Variants in SPATS2 observed in about 807,000 individuals in gnomAD.
The protein encoded by SPATS2 is spermatogenesis-associated serine-rich protein 2.
SPATS2 carries 38 observed loss-of-function variants against 63.7 expected under a neutral mutation model. The observed-to-expected ratio is 0.60, with a 90% CI of 0.46 to 0.78. The LOEUF is 0.78. Among genes scored for constraint, SPATS2 ranks in the 30% least tolerant of loss-of-function variants. The probability of loss-of-function intolerance (pLI) is 0.00; values close to 1 mark genes in which losing one functional copy is unlikely to be tolerated. For missense variants in SPATS2, 588 were observed against 666.2 expected (o/e 0.88, Z 1.29); for synonymous variants, 207 against 232.9 (o/e 0.89, Z 1.01).
chr12:49,424,877 G>A (rs1193746184), intron 2 of SPATS2, among the ~76,000 whole-genome samples: 2 of 151,994 alleles, frequency 1.3e-5, no homozygotes, highest in African/African-American at 4.8e-5. Flanking sequence ...ATGGGGTTTC[G>A]CCGTGTTGGC....
chr12:49,501,300 C>T (rs542871440), intron 9 of SPATS2, among the ~76,000 whole-genome samples: 8 of 152,218 alleles, frequency 5.3e-5, no homozygotes, highest in African/African-American at 1.7e-4. Context: ...TTGGCAAGGA[C>T]CTTGCTGTGT....
At position 49,460,848 on chromosome 12, in the gene SPATS2, AT is replaced by A; in HGVS notation, c.-163del. The stretch of plus-strand genomic sequence containing the variant: ...AGTTGATACAAGAAAAGGAAAGGAG[AT>A]TAACAGCTAGTGAGCAGAATTTCGA... On this transcript the variant is annotated 5_prime_UTR_variant, in exon 3 of 14. It introduces an in-frame stop codon into an upstream open reading frame of the 5' UTR. Transcript: ENST00000552918. The A allele has an allele frequency of 1.5e-6, 1 of 667,908 alleles. No homozygotes were observed. Among genetic ancestry groups the A allele is most frequent in the Non-Finnish European group, 2.7e-6 (1 of 371,256 alleles). The allele number at this position is 667,908 out of a possible 1,614,324, so 41.4% of individuals were successfully genotyped here. A position where few individuals can be genotyped will look rare whatever the true frequency, so the allele number is the denominator to read the frequency against.
chr12:49,412,702 C>T (rs894740254), intron 2 of SPATS2, among the ~76,000 whole-genome samples: 1 of 149,368 alleles, frequency 6.7e-6, no homozygotes, highest in Non-Finnish European at 1.5e-5. Flanking sequence ...GCCATGATCA[C>T]AACACACTGT....
chr12:49,496,631 A>T lies in SPATS2; in HGVS notation c.527-202A>T, dbSNP rs566869182. On this transcript the variant is annotated intron_variant, in intron 7 of 13. Transcript: ENST00000552918. ...GACTCTTCTCTTCATTCCGGACGCCACTTAAGACTAAGCCCGAAGCTGCCG... is the reference window on the plus strand; with the variant it reads ...GACTCTTCTCTTCATTCCGGACGCCTCTTAAGACTAAGCCCGAAGCTGCCG... Among the ~76,000 whole-genome samples, 16 of 152,308 alleles carry T rather than the reference A, an allele frequency of 1.1e-4. No homozygotes were observed. The East Asian group carries it at 2.7e-3, about 26-fold the overall frequency.
rs187152161 is a variant in SPATS2 at position 49,426,712 on chromosome 12, T to G, written c.-243-34058T>G. On this transcript the variant is annotated intron_variant, in intron 2 of 13. Coordinates refer to ENST00000552918, the MANE Select transcript of SPATS2 (RefSeq NM_023071.4). The stretch of plus-strand genomic sequence containing the variant: ...GCGCCCGCCACCTCGCCCAGCTAAT[T>G]TTTTGTATTTTTAGTACAGACGGGG... 2.7e-3 allele frequency among the ~76,000 whole-genome samples: 410 copies of G among 152,152 alleles called. 4 individuals carry two copies. The highest frequency in any genetic ancestry group is 9.5e-3 in the African/African-American group (395 of 41,520).
rs1944221171 is a variant in SPATS2 at position 49,381,459 on chromosome 12, T to C, written c.-244+10169T>C. On this transcript the variant is annotated intron_variant, in intron 2 of 13. Coordinates refer to ENST00000552918, the MANE Select transcript of SPATS2 (RefSeq NM_023071.4). ...AATAAAGATTTGACTCTGTCAGTGT[T>C]GATACTTTGCTTTTAATTGATGCTC... Among the ~76,000 whole-genome samples the C allele has an allele frequency of 1.3e-5, 2 of 152,230 alleles. 1 individual carries two copies. Among genetic ancestry groups the C allele is most frequent in the South Asian group, 4.1e-4 (2 of 4,836 alleles).
At chr12:49,519,716 C>T (rs951735134) in intron 11 of SPATS2, among the ~76,000 whole-genome samples, 4 of 152,162 alleles carry the variant, frequency 2.6e-5, no homozygotes, top group African/African-American at 9.7e-5. Flanking sequence ...GGTCCTCTGC[C>T]CTCAAGCAGA....
chr12:49,523,669 T>C (rs1946980358), intron 12 of SPATS2, among the ~76,000 whole-genome samples: 1 of 152,040 alleles, frequency 6.6e-6, no homozygotes, highest in Non-Finnish European at 1.5e-5. Flanking sequence ...AAGTGAAATA[T>C]TGCCAGGCGC....
At chr12:49,463,686 CTT>C (rs1190137320) in intron 3 of SPATS2, 3 of 152,262 alleles carry the variant, frequency 2.0e-5, no homozygotes, top group Non-Finnish European at 1.5e-5. Flanking sequence ...AATACACTGA[CTT>C]TATCAACTTG....
At chr12:49,475,643 T>C (rs532932233) in intron 3 of SPATS2, among the ~76,000 whole-genome samples, 22 of 152,314 alleles carry the variant, frequency 1.4e-4, no homozygotes, top group Admixed American at 1.2e-3. Flanking sequence ...GGTTTCACCA[T>C]GTTGGCTAGA....
chr12:49,432,174 A>T (rs2137486053), intron 2 of SPATS2, among the ~76,000 whole-genome samples: 1 of 152,204 alleles, frequency 6.6e-6, no homozygotes, highest in East Asian at 1.9e-4. Flanking sequence ...TGCAAAAATG[A>T]TGATAAAACA....
At chr12:49,453,139 GCA>G (rs1473412918) in intron 2 of SPATS2, among the ~76,000 whole-genome samples, 2 of 144,300 alleles carry the variant, frequency 1.4e-5, no homozygotes, top group Non-Finnish European at 3.0e-5. Context: ...CACCTGGGCT[GCA>G]CAGAGCGAGA....
At chr12:49,423,869 G>GAGGGCAA (rs1325220499) in intron 2 of SPATS2, among the ~76,000 whole-genome samples, 6 of 152,098 alleles carry the variant, frequency 3.9e-5, no homozygotes, top group African/African-American at 1.4e-4. Context: ...GTTTAACTCT[G>GAGGGCAA]AGGGCAAATT....
intron 10 of SPATS2, among the ~76,000 whole-genome samples, chr12:49,516,655 G>A (rs1198709657): frequency 1.3e-5 from 2 of 151,294 alleles, no homozygotes; most frequent in Non-Finnish European, 2.9e-5. Flanking sequence ...GCAGTGAGCC[G>A]AGATTGCGCC....
intron 8 of SPATS2, 39 bp downstream of exon 8, chr12:49,497,048 C>T: frequency 6.6e-7 from 1 of 1,505,324 alleles, no homozygotes; most frequent in Non-Finnish European, 8.9e-7. Context: ...AATGAAAAAT[C>T]TGTGTTTTTG....
chr12:49,388,774 A>G (rs188986278), intron 2 of SPATS2, among the ~76,000 whole-genome samples: 1 of 150,736 alleles, frequency 6.6e-6, no homozygotes, highest in Admixed American at 6.6e-5. Flanking sequence ...AGCTCACTTC[A>G]GCCTCAACCT....
At chr12:49,385,620 CT>C in intron 2 of SPATS2, among the ~76,000 whole-genome samples, 1 of 152,058 alleles carries the variant, frequency 6.6e-6, no homozygotes, top group Middle Eastern at 3.4e-3. Flanking sequence ...TGAAAATTTT[CT>C]TACGATTGTT....
At chr12:49,457,303 A>G (rs575855447) in intron 2 of SPATS2, among the ~76,000 whole-genome samples, 3 of 152,062 alleles carry the variant, frequency 2.0e-5, no homozygotes, top group Admixed American at 6.5e-5. Flanking sequence ...TCTTCATGTT[A>G]TATGTGGATA....
At chr12:49,415,869 C>G (rs1195166544) in intron 2 of SPATS2, among the ~76,000 whole-genome samples, 3 of 152,138 alleles carry the variant, frequency 2.0e-5, no homozygotes, top group Non-Finnish European at 2.9e-5. Context: ...CACCTACAGA[C>G]TGTAGTTTGC....
Sources: allele counts gnomAD v4.1 joint callset (sites outside exome capture counted in the v4.1 genomes callset), GRCh38; gene constraint gnomAD v4.1.1; transcripts MANE v1.5; gene names NCBI Gene and HGNC (gene_info 2026-07-23, HGNC 2026-07-21).